LASP1: variants seen among roughly 807,000 people sequenced by gnomAD.
The protein encoded by LASP1 is LIM and SH3 domain protein 1.
In LASP1, 10 loss-of-function variants were observed where a neutral mutation model predicts 38.6. The observed-to-expected ratio is 0.26, with a 90% CI of 0.16 to 0.44. The LOEUF (loss-of-function observed/expected upper bound fraction) is 0.44, where lower values mean the gene tolerates loss of function less well. Among genes scored for constraint, LASP1 ranks in the 20% least tolerant of loss-of-function variants. LASP1 has a pLI of 1.00. For synonymous variants in LASP1, 132 were observed against 140.8 expected (o/e 0.94, Z 0.44); for missense variants, 243 against 375.7 (o/e 0.65, Z 2.92).
chr17:38,914,903 TG>T, intron 5 of LASP1, 139 bp from the exon 6 acceptor site: 1 of 755,914 alleles, frequency 1.3e-6, no homozygotes. Flanking sequence ...TGTGCACACG[TG>T]GACATCAGCC....
chr17:38,898,856 C>T (rs911327762), intron 4 of LASP1: 1 of 428,070 alleles, frequency 2.3e-6, no homozygotes, highest in African/African-American at 2.0e-5. Flanking sequence ...GCACAAAGGT[C>T]AAAACTGGGG....
rs1555554611 is a variant in LASP1, at chr17:38,892,588, A to ACACC, written c.249+2086_249+2089dup. 2.4e-3 allele frequency among the ~76,000 whole-genome samples: 357 copies of ACACC among 147,276 alleles called. 2 individuals are homozygous for ACACC. Among genetic ancestry groups the ACACC allele is most frequent in the Non-Finnish European group, 3.8e-3 (251 of 65,974 alleles). ...CACACACACACACACACACACACAC[A>ACACC]CACCCTTCTCAGGGGAGAAATTCAA... On this transcript the variant is annotated intron_variant, in intron 3 of 6. Transcript: ENST00000318008.
At chr17:38,879,520 G>T in intron 2 of LASP1, among the ~76,000 whole-genome samples, 1 of 147,612 alleles carries the variant, frequency 6.8e-6, no homozygotes. Flanking sequence ...TCAAGTAATG[G>T]TAATTTCAGT....
intron 2 of LASP1, 49 bp downstream of exon 2, chr17:38,878,229 C>T (rs761281585): frequency 1.6e-6 from 2 of 1,244,864 alleles, no homozygotes; most frequent in Non-Finnish European, 2.4e-6. Context: ...TGGCTCCCTC[C>T]CCGAGTGAGT....
At chr17:38,913,167 C>G (rs1915005797) in intron 4 of LASP1, among the ~76,000 whole-genome samples, 1 of 152,172 alleles carries the variant, frequency 6.6e-6, no homozygotes, top group African/African-American at 2.4e-5. Context: ...TGGTGGTGGT[C>G]AAGGTGGGGG....
At chr17:38,877,975 G>A in intron 1 of LASP1, 111 bp from the exon 2 acceptor site, 1 of 757,860 alleles carries the variant, frequency 1.3e-6, no homozygotes, top group Non-Finnish European at 2.3e-6. Flanking sequence ...TCTCCCCACA[G>A]CCATGGGCCT....
chr17:38,911,836 C>T (rs1277944296), intron 4 of LASP1, among the ~76,000 whole-genome samples: 1 of 152,192 alleles, frequency 6.6e-6, no homozygotes, highest in Admixed American at 6.5e-5. Flanking sequence ...CTCTGTCACC[C>T]AGGCTGGAGT....
In LASP1 at chr17:38,920,134, G is replaced by T; in HGVS notation, c.*1356G>T. ...GTGCAGGGTGGAAGGTAAGAGGTTG[G>T]TGTGGAGTTGGGGCTGCCATAGGGT... On this transcript the variant is annotated 3_prime_UTR_variant, in exon 7 of 7. Coordinates refer to ENST00000318008, the MANE Select transcript of LASP1 (RefSeq NM_006148.4). 1 of 536,434 alleles carries T rather than the reference G, an allele frequency of 1.9e-6. No individual in the cohort carries two copies. The highest frequency in any genetic ancestry group is 1.5e-5 in the South Asian group (1 of 65,256). 33.2% of individuals were successfully genotyped at this position (536,434 alleles called of 1,614,324 possible).
chr17:38,907,421 G>A (rs1350061680), intron 4 of LASP1, among the ~76,000 whole-genome samples: 1 of 152,180 alleles, frequency 6.6e-6, no homozygotes, highest in African/African-American at 2.4e-5. Flanking sequence ...CTCCACACCT[G>A]TTCTCAGGAA....
At chr17:38,913,092 G>T (rs1461323001) in intron 4 of LASP1, among the ~76,000 whole-genome samples, 2 of 152,134 alleles carry the variant, frequency 1.3e-5, no homozygotes, top group African/African-American at 4.8e-5. Context: ...GGCTAATGCA[G>T]CCAGCCCCAG....
At chr17:38,911,236 C>T (rs1567704587) in intron 4 of LASP1, among the ~76,000 whole-genome samples, 1 of 152,116 alleles carries the variant, frequency 6.6e-6, no homozygotes, top group Non-Finnish European at 1.5e-5. Context: ...CTATGGAAGC[C>T]CTGGGTTCAG....
intron 4 of LASP1, among the ~76,000 whole-genome samples, chr17:38,909,436 G>A (rs144986427): frequency 0.014 from 2,188 of 152,096 alleles, 68 homozygotes; most frequent in African/African-American, 0.047. Context: ...GTAAAAGCCT[G>A]TCTCTACTAA....
intron 2 of LASP1, among the ~76,000 whole-genome samples, chr17:38,887,060 G>C (rs2143759122): frequency 6.6e-6 from 1 of 152,262 alleles, no homozygotes; most frequent in South Asian, 2.1e-4. Context: ...TGTGCATTCT[G>C]GCCAATGAGA....
chr17:38,882,946 G>A (rs1426984301), intron 2 of LASP1, among the ~76,000 whole-genome samples: 1 of 152,148 alleles, frequency 6.6e-6, no homozygotes, highest in Non-Finnish European at 1.5e-5. Context: ...GGACTGAGGA[G>A]GGTAAAGATG....
chr17:38,901,343 C>T (rs1471095533), intron 4 of LASP1, among the ~76,000 whole-genome samples: 1 of 152,268 alleles, frequency 6.6e-6, no homozygotes, highest in Non-Finnish European at 1.5e-5. Context: ...TTTTACCCTT[C>T]TCGCGGTGCT....
At chr17:38,886,392 G>A (rs1914138256) in intron 2 of LASP1, among the ~76,000 whole-genome samples, 1 of 152,170 alleles carries the variant, frequency 6.6e-6, no homozygotes, top group Non-Finnish European at 1.5e-5. Context: ...CTGGGGTTGG[G>A]CTTAGTGGGC....
chr17:38,889,528 A>C (rs1286209907), intron 2 of LASP1, among the ~76,000 whole-genome samples: 1 of 152,242 alleles, frequency 6.6e-6, no homozygotes, highest in Non-Finnish European at 1.5e-5. Flanking sequence ...ACGTGATGCC[A>C]CAAGGGAAAA....
At chr17:38,875,057 G>A (rs1383561447) in intron 1 of LASP1, among the ~76,000 whole-genome samples, 1 of 14,728 alleles carries the variant, frequency 6.8e-5, no homozygotes, top group Non-Finnish European at 1.6e-4. Flanking sequence ...GTAGCCCTTC[G>A]TGTGTGTGTG....
rs1220955289 is a variant in LASP1 at position 38,918,876 on chromosome 17, C to G, written c.*98C>G. ...CTTCAGTGTCTCTGTTTTTTAAAACCTGCGACAGCTTGTGATTCCTACCCC... is the reference window on the plus strand; with the variant it reads ...CTTCAGTGTCTCTGTTTTTTAAAACGTGCGACAGCTTGTGATTCCTACCCC... On this transcript the variant is annotated 3_prime_UTR_variant, in exon 7 of 7. Transcript: ENST00000318008. The surrounding 1 kb of genome is among the most constrained non-coding windows in gnomAD (Gnocchi z 4.4). The G allele has an allele frequency of 7.4e-7, 1 of 1,349,802 alleles. No homozygotes were observed. Among genetic ancestry groups the G allele is most frequent in the Non-Finnish European group, 1.0e-6 (1 of 983,144 alleles). The allele number at this position is 1,349,802 out of a possible 1,614,324, so 83.6% of individuals were successfully genotyped here.
Sources: gnomAD v4.1 joint callset for allele counts (sites outside exome capture counted in the v4.1 genomes callset) on GRCh38, gnomAD v4.1.1 for gene constraint, Gnocchi (gnomAD v3.1) non-coding constraint, MANE v1.5 for transcripts, NCBI Gene and HGNC (gene_info 2026-07-23, HGNC 2026-07-21) for gene names.